The following VWF variants were observed in gnomAD, a reference collection of about 807,000 sequenced individuals.
VWF encodes the protein Factor VIII related antigen.
A neutral mutation model predicts 308.6 loss-of-function variants in VWF; 176 were observed. The ratio of observed to expected loss-of-function variants is 0.57; its 90% CI spans 0.50 to 0.65. VWF has a LOEUF of 0.65. VWF is among the 30% of genes least tolerant of loss of function. The pLI is 0.00. For synonymous variants in VWF, 1,385 were observed against 1,443.4 expected, an observed-to-expected ratio of 0.96 and a Z score of 0.92; for missense variants, 3,146 against 3,648.2, an observed-to-expected ratio of 0.86 and a Z score of 3.55.
intron 44 of VWF, among the ~76,000 whole-genome samples, chr12:5,970,897 G>C (rs1026713730): frequency 6.6e-6 from 1 of 152,238 alleles, no homozygotes; most frequent in Admixed American, 6.5e-5. Flanking sequence ...TGAAAGAACT[G>C]TGATTCTCCT....
rs199588249 is a variant in VWF at position 6,044,421 on chromosome 12, A to G, written c.2312T>C (p.Met771Thr). 5.0e-6 allele frequency: 8 copies of G among 1,614,212 alleles called. No homozygotes were observed. In the African/African-American group the frequency reaches 9.3e-5, roughly 19 times the overall value. ...SKRSLSCRPP[M>T]VKLVCPADNL... is the part of the protein sequence containing the mutation. ...GTCAGCGGGACACACCAGCTTGACC[A>G]TGGGGGGCCGACAGGATAGGCTCCT... is the stretch of plus-strand genomic sequence containing the variant. Residue 771 changes from methionine (M) to threonine (T), a missense_variant, in exon 18 of 52, where the codon ATG becomes ACG. Coordinates refer to ENST00000261405, the MANE Select transcript of VWF (RefSeq NM_000552.5).
chr12:6,091,121 G>C (rs1945030056), intron 6 of VWF, among the ~76,000 whole-genome samples: 1 of 152,204 alleles, frequency 6.6e-6, no homozygotes, highest in Non-Finnish European at 1.5e-5. Context: ...TTATAAGGTG[G>C]AGATTGTCTG....
chr12:6,017,503 A>G (rs1944076364), intron 28 of VWF, among the ~76,000 whole-genome samples: 1 of 152,380 alleles, frequency 6.6e-6, no homozygotes, highest in Non-Finnish European at 1.5e-5. Flanking sequence ...AGATACTAAA[A>G]GAAGGCTTAT....
chr12:5,985,473 T>G, intron 39 of VWF, 90 bp downstream of exon 39: 3 of 1,380,384 alleles, frequency 2.2e-6, no homozygotes, highest in Non-Finnish European at 3.0e-6. Flanking sequence ...TGTTTGAGTC[T>G]GCTCTGCCAG....
chr12:6,111,150 A>C (rs928410729), intron 3 of VWF, among the ~76,000 whole-genome samples, 182 bp from the exon 4 acceptor site: 7 of 152,188 alleles, frequency 4.6e-5, no homozygotes, highest in Non-Finnish European at 1.0e-4. Context: ...CATTCATCTA[A>C]AAATAATTAT....
intron 6 of VWF, among the ~76,000 whole-genome samples, chr12:6,091,605 G>A (rs556021187): frequency 6.6e-6 from 1 of 152,300 alleles, no homozygotes; most frequent in South Asian, 2.1e-4. Context: ...GTGCAGTGGT[G>A]CAATTGTAGC....
chr12:5,950,011 G>A (rs1591827268), intron 50 of VWF, 128 bp from the exon 51 acceptor site: 1 of 794,894 alleles, frequency 1.3e-6, no homozygotes, highest in East Asian at 2.6e-5. Context: ...CCAGCCACAG[G>A]GAGGGAATTC....
chr12:6,008,154 T>G (rs981464634), intron 34 of VWF, among the ~76,000 whole-genome samples: 12 of 152,026 alleles, frequency 7.9e-5, no homozygotes, highest in African/African-American at 2.4e-4. Context: ...TCCAAAACAC[T>G]GAAGTGGGAA....
intron 6 of VWF, among the ~76,000 whole-genome samples, chr12:6,089,413 C>T (rs1288250251): frequency 6.6e-6 from 1 of 152,166 alleles, no homozygotes; most frequent in East Asian, 1.9e-4. Flanking sequence ...GAACCTGGTA[C>T]CCAGTTTTTT....
Position 6,063,046 on chromosome 12 carries a change from G to C in VWF, c.1441C>G (p.Arg481Gly). 1 of 1,613,216 alleles carries C rather than the reference G, an allele frequency of 6.2e-7. No homozygotes were observed. Reference protein sequence around the residue: ...VQLPLLKGDLRIQHTVTASVR... With the variant: ...VQLPLLKGDLGIQHTVTASVR... ...GAGGCCGTCACTGTATGCTGGATGC[G>C]GAGGTCACCTGGAACCCAGCAGGAC... The change falls in exon 13 of 52, where the codon CGC becomes GGC. Residue 481 changes from arginine to glycine, a missense_variant. This residue lies in a region of VWF where 1,304 missense variants were observed against 1,353.0 expected (regional missense o/e 0.96). Coordinates refer to ENST00000261405, the MANE Select transcript of VWF (RefSeq NM_000552.5). This position sits in a 1 kb window ranked among gnomAD's most constrained non-coding sequence, Gnocchi z 4.9.
At chr12:6,116,684 G>A (rs1565395724) in intron 3 of VWF, among the ~76,000 whole-genome samples, 1 of 152,198 alleles carries the variant, frequency 6.6e-6, no homozygotes, top group Non-Finnish European at 1.5e-5. Context: ...CCTCTGTGCT[G>A]TCTGGCAAAC....
chr12:5,964,610 C>T (rs911977208), intron 47 of VWF, among the ~76,000 whole-genome samples: 4 of 152,268 alleles, frequency 2.6e-5, no homozygotes, highest in Middle Eastern at 3.4e-3. Context: ...CCCAGACAGA[C>T]GACCTGTCCC....
chr12:6,057,308 G>A (rs1412730856), intron 14 of VWF, among the ~76,000 whole-genome samples: 2 of 128,166 alleles, frequency 1.6e-5, no homozygotes, highest in Admixed American at 7.2e-5. Context: ...CGGGGACTAT[G>A]GAATTTTTTT....
intron 17 of VWF, among the ~76,000 whole-genome samples, chr12:6,044,950 C>T (rs1944433197): frequency 6.6e-6 from 1 of 152,162 alleles, no homozygotes; most frequent in South Asian, 2.1e-4. Context: ...GAATTTGCAA[C>T]ACCCGCAACA....
chr12:6,068,741 G>A (rs1270696541), intron 10 of VWF, among the ~76,000 whole-genome samples: 1 of 151,770 alleles, frequency 6.6e-6, no homozygotes, highest in Non-Finnish European at 1.5e-5. Flanking sequence ...CACCTGCCTT[G>A]GCCTCCCAAA....
At chr12:6,084,208 A>G (rs1944945568) in intron 6 of VWF, among the ~76,000 whole-genome samples, 2 of 152,140 alleles carry the variant, frequency 1.3e-5, no homozygotes, top group African/African-American at 2.4e-5. Context: ...AATGCTTATA[A>G]CTATTCTCAT....
At chr12:6,041,592 G>A (rs188616) in intron 18 of VWF, among the ~76,000 whole-genome samples, 134,289 of 151,050 alleles carry the variant, frequency 0.89, 59,779 homozygotes, top group Middle Eastern at 0.92. Context: ...GGGACTACAG[G>A]CGCCCGCCAC....
At chr12:6,103,377 T>TATACAC (rs1945191430) in intron 5 of VWF, among the ~76,000 whole-genome samples, 1 of 139,200 alleles carries the variant, frequency 7.2e-6, no homozygotes, top group Admixed American at 7.0e-5. Flanking sequence ...TGTGTGTGTG[T>TATACAC]GTATACACGT....
chr12:5,987,962 T>C (rs1943697693), intron 38 of VWF, among the ~76,000 whole-genome samples: 1 of 152,242 alleles, frequency 6.6e-6, no homozygotes, highest in Non-Finnish European at 1.5e-5. Flanking sequence ...ACTTTAAATA[T>C]GTGCTGTTTG....
Sources: gnomAD v4.1 joint callset for allele counts (sites outside exome capture counted in the v4.1 genomes callset) on GRCh38, gnomAD v4.1.1 for gene constraint, gnomAD v4.1.1 regional missense constraint, Gnocchi (gnomAD v3.1) non-coding constraint, MANE v1.5 for transcripts, NCBI Gene and HGNC (gene_info 2026-07-23, HGNC 2026-07-21) for gene names.